The following BMPR1B variants were observed in gnomAD, a reference collection of about 807,000 sequenced individuals.
BMPR1B encodes bone morphogenetic protein receptor type 1B, also known as bone morphogenetic protein receptor type-1B.
A neutral mutation model predicts 59.1 loss-of-function variants in BMPR1B; 12 were observed. That is an observed-to-expected ratio of 0.20 (90% CI 0.13 to 0.33). BMPR1B has a LOEUF of 0.33. Among genes scored for constraint, BMPR1B ranks in the 10% least tolerant of loss-of-function variants. The pLI is 1.00. For synonymous variants in BMPR1B, 237 were observed against 207.3 expected (o/e 1.14, Z -1.23); for missense variants, 550 against 610.9 (o/e 0.90, Z 1.05).
chr4:94,921,295 A>G (rs773586738), intron 2 of BMPR1B, among the ~76,000 whole-genome samples: 2 of 152,200 alleles, frequency 1.3e-5, no homozygotes, highest in African/African-American at 4.8e-5. Flanking sequence ...GGCCTAGAAT[A>G]GTAATACTGT....
At chr4:95,051,541 T>G in intron 3 of BMPR1B, 1 of 642,374 alleles carries the variant, frequency 1.6e-6, no homozygotes, top group Non-Finnish European at 2.7e-6. Flanking sequence ...CAGAACCAGT[T>G]TGTAACAGGC....
chr4:94,763,805 C>G (rs1721867700), intron 1 of BMPR1B, among the ~76,000 whole-genome samples: 1 of 152,162 alleles, frequency 6.6e-6, no homozygotes, highest in Non-Finnish European at 1.5e-5. Context: ...TTTTATCTAA[C>G]TAGTACACTT....
At chr4:95,104,877 T>G (rs530731796) in intron 4 of BMPR1B, among the ~76,000 whole-genome samples, 3 of 151,920 alleles carry the variant, frequency 2.0e-5, no homozygotes, top group Non-Finnish European at 4.4e-5. Context: ...CCACAATTAG[T>G]TAAACATCAG....
At chr4:94,819,811 C>T (rs1724139950) in intron 1 of BMPR1B, among the ~76,000 whole-genome samples, 1 of 152,180 alleles carries the variant, frequency 6.6e-6, no homozygotes, top group Non-Finnish European at 1.5e-5. Context: ...CAGTAGTGTA[C>T]ATTTGAACAC....
chr4:94,799,279 CCTT>C (rs1474072216), intron 1 of BMPR1B, among the ~76,000 whole-genome samples: 3 of 150,704 alleles, frequency 2.0e-5, no homozygotes, highest in Non-Finnish European at 4.4e-5. Context: ...AGTGACCTGT[CCTT>C]CTGTCTGTCT....
chr4:95,004,809 A>G (rs1722708510), intron 3 of BMPR1B, among the ~76,000 whole-genome samples: 1 of 152,206 alleles, frequency 6.6e-6, no homozygotes. Context: ...AGAGAAAGAA[A>G]GCATGGTGAC....
At chr4:94,803,046 C>T (rs887856171) in intron 1 of BMPR1B, among the ~76,000 whole-genome samples, 2 of 152,122 alleles carry the variant, frequency 1.3e-5, no homozygotes, top group African/African-American at 4.8e-5. Context: ...TATTGACCTC[C>T]AGTGCTCATG....
chr4:94,994,695 CT>C (rs34949480), intron 2 of BMPR1B, among the ~76,000 whole-genome samples: 38,413 of 146,138 alleles, frequency 0.26, 5,982 homozygotes, highest in South Asian at 0.43. Flanking sequence ...TTATGTGTAA[CT>C]TTTTTTTTTT....
At chr4:95,057,559 G>C (rs115590248) in intron 3 of BMPR1B, among the ~76,000 whole-genome samples, 1 of 151,904 alleles carries the variant, frequency 6.6e-6, no homozygotes, top group Non-Finnish European at 1.5e-5. Flanking sequence ...GATTGGCTGC[G>C]GACCCTTAGA....
At chr4:94,989,199 G>A (rs1721587840) in intron 2 of BMPR1B, among the ~76,000 whole-genome samples, 1 of 151,732 alleles carries the variant, frequency 6.6e-6, no homozygotes, top group South Asian at 2.1e-4. Context: ...GACCATCCTG[G>A]CCAACATTGT....
chr4:94,964,391 G>A (rs1426749156), intron 2 of BMPR1B, among the ~76,000 whole-genome samples: 1 of 152,092 alleles, frequency 6.6e-6, no homozygotes, highest in East Asian at 1.9e-4. Flanking sequence ...GGATATCCTT[G>A]TCTTGTTTCT....
intron 1 of BMPR1B, among the ~76,000 whole-genome samples, chr4:94,765,958 C>T (rs73835757): frequency 0.053 from 8,118 of 152,116 alleles, 462 homozygotes; most frequent in African/African-American, 0.14. Context: ...CCTGCACCTT[C>T]TGTGTTTTTG....
intron 3 of BMPR1B, among the ~76,000 whole-genome samples, chr4:94,997,656 T>A (rs554395213): frequency 6.6e-6 from 1 of 152,262 alleles, no homozygotes; most frequent in Admixed American, 6.5e-5. Flanking sequence ...CCATTTCCAT[T>A]TTATTAGTGG....
At chr4:95,030,757 A>T (rs1724781817) in intron 3 of BMPR1B, among the ~76,000 whole-genome samples, 1 of 152,090 alleles carries the variant, frequency 6.6e-6, no homozygotes, top group Non-Finnish European at 1.5e-5. Context: ...TAATGAGTGA[A>T]CTCCCATTCA....
Position 94,975,148 on chromosome 4 carries a change from G to A in BMPR1B, c.-112-20892G>A, listed in dbSNP as rs140376332. On this transcript the variant is annotated intron_variant, in intron 2 of 12. Transcript: ENST00000515059. ...GATGTGGGCTTTGGTGGTGGAGCAG[G>A]TGAGTAGGAGGGGCATGTGTCCTCA... Among the ~76,000 whole-genome samples the A allele has an allele frequency of 3.9e-5, 6 of 152,198 alleles. No homozygotes were observed. In the East Asian group the frequency reaches 1.2e-3, roughly 29 times the overall value.
At chr4:95,132,466 A>G (rs186572909) in intron 10 of BMPR1B, among the ~76,000 whole-genome samples, 58 of 152,282 alleles carry the variant, frequency 3.8e-4, no homozygotes, top group African/African-American at 1.3e-3. Context: ...ACATACCCCA[A>G]ATATATGAAG....
chr4:94,797,522 C>G (rs1723241001), intron 1 of BMPR1B, among the ~76,000 whole-genome samples: 1 of 152,080 alleles, frequency 6.6e-6, no homozygotes, highest in Non-Finnish European at 1.5e-5. Context: ...TTAAATATGA[C>G]TTTGAAAAGT....
intron 2 of BMPR1B, among the ~76,000 whole-genome samples, chr4:94,894,104 A>G (rs1727496401): frequency 6.6e-6 from 1 of 152,084 alleles, no homozygotes; most frequent in African/African-American, 2.4e-5. Context: ...TAGTTACCCC[A>G]TAGGAAGGAT....
intron 1 of BMPR1B, among the ~76,000 whole-genome samples, chr4:94,815,551 C>A (rs945795654): frequency 9.2e-5 from 14 of 152,100 alleles, no homozygotes; most frequent in Admixed American, 4.6e-4. Flanking sequence ...GATGTACAGT[C>A]AATATTGGCA....
Sources: gnomAD v4.1 joint callset for allele counts (sites outside exome capture counted in the v4.1 genomes callset) on GRCh38, gnomAD v4.1.1 for gene constraint, MANE v1.5 for transcripts, NCBI Gene and HGNC (gene_info 2026-07-23, HGNC 2026-07-21) for gene names.